Variants in TMEM245 observed in about 807,000 individuals in gnomAD.
The protein encoded by TMEM245 is transmembrane protein 245, also known as protein CG-2.
A neutral mutation model predicts 101.2 loss-of-function variants in TMEM245; 69 were observed. That is an observed-to-expected ratio of 0.68 (90% confidence interval 0.56 to 0.83). The LOEUF is 0.83. Among genes scored for constraint, TMEM245 ranks in the 40% least tolerant of loss-of-function variants. TMEM245 has a pLI of 0.00. For synonymous variants in TMEM245, 537 were observed against 449.8 expected (o/e 1.19, Z -2.45); for missense variants, 1,075 against 1,092.8 (o/e 0.98, Z 0.23).
intron 9 of TMEM245, among the ~76,000 whole-genome samples, chr9:109,071,535 T>C (rs1204495042): frequency 6.7e-6 from 1 of 150,312 alleles, no homozygotes; most frequent in Admixed American, 6.7e-5. Context: ...GCCCAGGAGA[T>C]CAAGCCTTCA....
intron 17 of TMEM245, among the ~76,000 whole-genome samples, chr9:109,025,281 A>C (rs1316860483): frequency 1.3e-5 from 2 of 152,196 alleles, no homozygotes; most frequent in African/African-American, 2.4e-5. Context: ...CATGTTGCTC[A>C]GGCTGGCCTC....
At chr9:109,050,751 C>T in intron 12 of TMEM245, 59 bp from the exon 13 acceptor site, 1 of 1,596,994 alleles carries the variant, frequency 6.3e-7, no homozygotes, top group Middle Eastern at 1.7e-4. Flanking sequence ...GTTTCTAGAG[C>T]CATCTAGTGT....
chr9:109,081,823 T>C (rs1189893519), intron 7 of TMEM245, among the ~76,000 whole-genome samples: 1 of 152,246 alleles, frequency 6.6e-6, no homozygotes, highest in Admixed American at 6.5e-5. Context: ...CTAAATGCTA[T>C]CTGACATTAT....
chr9:109,080,304 G>A (rs1829630553), intron 8 of TMEM245, among the ~76,000 whole-genome samples: 1 of 151,926 alleles, frequency 6.6e-6, no homozygotes, highest in South Asian at 2.1e-4. Context: ...AATAGTAAGA[G>A]ATATCACTAT....
At chr9:109,057,450 A>G (rs1828873763) in intron 11 of TMEM245, 128 bp from the exon 12 acceptor site, 1 of 1,113,940 alleles carries the variant, frequency 9.0e-7, no homozygotes, top group Middle Eastern at 2.1e-4. Flanking sequence ...AGAACTTTGC[A>G]TTATTTAAGA....
At chr9:109,107,398 CAAA>C (rs5899836) in intron 2 of TMEM245, among the ~76,000 whole-genome samples, 8 of 100,722 alleles carry the variant, frequency 7.9e-5, no homozygotes, top group Non-Finnish European at 8.3e-5. Flanking sequence ...GACTCTGTCT[CAAA>C]AAAAAAAAAA....
At position 109,119,457 on chromosome 9, in the gene TMEM245, C is replaced by A. The variant is rs756552661; in HGVS notation, c.457G>T (p.Gly153Cys). ...LRRRRLLLLL[G>C]AGGPLLYGLY... is the part of the protein sequence containing the mutation. The stretch of plus-strand genomic sequence containing the variant: ...CCGTACAGGAGCGGGCCGCCGGCGC[C>A]GAGCAGCAGGAGCAGGCGGCGGCGG... Residue 153 changes from glycine to cysteine, a missense_variant, in exon 1 of 18, where the codon GGC (glycine) becomes TGC (cysteine). By Grantham distance (159) the Gly-to-Cys change is radical. This residue lies in a region of TMEM245 where 808 missense variants were observed against 741.5 expected (regional missense o/e 1.09). Coordinates refer to ENST00000374586, the MANE Select transcript of TMEM245 (RefSeq NM_032012.4). 1 of 1,500,252 alleles carries A rather than the reference C, an allele frequency of 6.7e-7. No homozygotes were observed. Among genetic ancestry groups the A allele is most frequent in the South Asian group, 1.3e-5 (1 of 79,818 alleles). The allele number at this position is 1,500,252 out of a possible 1,614,324, so 92.9% of individuals were successfully genotyped here.
chr9:109,061,848 C>A (rs548330791), intron 10 of TMEM245, among the ~76,000 whole-genome samples: 1 of 152,258 alleles, frequency 6.6e-6, no homozygotes, highest in African/African-American at 2.4e-5. Flanking sequence ...GGATTACAGG[C>A]ATGAGCCACC....
At chr9:109,056,609 C>T (rs928993718) in intron 12 of TMEM245, among the ~76,000 whole-genome samples, 4 of 151,810 alleles carry the variant, frequency 2.6e-5, no homozygotes, top group East Asian at 1.9e-4. Flanking sequence ...GAATGAACTC[C>T]GTCTCAAAAA....
chr9:109,111,738 C>T (rs1185279278), intron 1 of TMEM245, among the ~76,000 whole-genome samples: 2 of 152,108 alleles, frequency 1.3e-5, no homozygotes, highest in Non-Finnish European at 2.9e-5. Flanking sequence ...AGTAATTAGT[C>T]AGACTTTCAA....
At chr9:109,089,659 A>G (rs1239884595) in intron 5 of TMEM245, among the ~76,000 whole-genome samples, 1 of 152,206 alleles carries the variant, frequency 6.6e-6, no homozygotes, top group East Asian at 1.9e-4. Context: ...ATGTTTCTAC[A>G]ATGCACCTGT....
chr9:109,101,874 A>T (rs937626352), intron 3 of TMEM245, among the ~76,000 whole-genome samples: 2 of 152,182 alleles, frequency 1.3e-5, no homozygotes, highest in African/African-American at 2.4e-5. Context: ...TTACCCTTAC[A>T]GTTTTCTAGG....
In TMEM245 at chr9:109,033,554, T is replaced by C; in HGVS notation, c.2400-53A>G. ...CACAAAAACTGGAAAAAATCTGAAA[T>C]ACATTTCTAATACAATGTGCATTCT... On this transcript the variant is annotated intron_variant, in intron 16 of 17. Coordinates refer to ENST00000374586, the MANE Select transcript of TMEM245 (RefSeq NM_032012.4). 8.0e-6 allele frequency: 12 copies of C among 1,500,888 alleles called. No individual in the cohort carries two copies. In the South Asian group the frequency reaches 1.2e-4, roughly 15 times the overall value. 93.0% of individuals were successfully genotyped at this position (1,500,888 alleles called of 1,614,324 possible).
At chr9:109,098,095 A>G (rs1830187795) in intron 3 of TMEM245, among the ~76,000 whole-genome samples, 1 of 152,180 alleles carries the variant, frequency 6.6e-6, no homozygotes, top group Non-Finnish European at 1.5e-5. Flanking sequence ...TCTACTTTAT[A>G]GTATAGCCAT....
chr9:109,081,353 A>G (rs1034654770), intron 7 of TMEM245, among the ~76,000 whole-genome samples: 2 of 152,242 alleles, frequency 1.3e-5, no homozygotes, highest in Non-Finnish European at 2.9e-5. Context: ...AAGTATATAC[A>G]GATAGTATTT....
chr9:109,029,298 A>G (rs1827880863), intron 17 of TMEM245, among the ~76,000 whole-genome samples: 1 of 152,228 alleles, frequency 6.6e-6, no homozygotes, highest in African/African-American at 2.4e-5. Context: ...CTCAAGAAAA[A>G]TGTCAGAACA....
intron 7 of TMEM245, among the ~76,000 whole-genome samples, chr9:109,084,367 T>C (rs562091572): frequency 6.6e-6 from 1 of 152,328 alleles, no homozygotes; most frequent in East Asian, 1.9e-4. Flanking sequence ...TTTACTATGT[T>C]ATATGGAATC....
At position 109,119,895 on chromosome 9, in the gene TMEM245, G is replaced by GGCC; in HGVS notation, c.16_18dup (p.Gly6dup). 1 of 1,272,512 alleles carries GGCC rather than the reference G, an allele frequency of 7.9e-7. No individual in the cohort carries two copies. Among genetic ancestry groups the GGCC allele is most frequent in the Non-Finnish European group, 9.9e-7 (1 of 1,014,794 alleles). 78.8% of individuals were successfully genotyped at this position (1,272,512 alleles called of 1,614,324 possible). A position where few individuals can be genotyped will look rare whatever the true frequency, so the allele number is the denominator to read the frequency against. On this transcript the variant is annotated inframe_insertion, in exon 1 of 18. Transcript: ENST00000374586. ...CTCCGCAGGCTTGGCGCGTCCTTAG[G>GGCC]GCCGCCGCCGTCGGCCATCGTTCCT...
chr9:109,111,380 A>C (rs1189609979), intron 1 of TMEM245, among the ~76,000 whole-genome samples: 1 of 152,168 alleles, frequency 6.6e-6, no homozygotes, highest in Non-Finnish European at 1.5e-5. Flanking sequence ...TTTATACAGT[A>C]CCTCCAAGAA....
Sources: gnomAD v4.1 joint callset for allele counts (sites outside exome capture counted in the v4.1 genomes callset) on GRCh38, gnomAD v4.1.1 for gene constraint, gnomAD v4.1.1 regional missense constraint, MANE v1.5 for transcripts, NCBI Gene and HGNC (gene_info 2026-07-23, HGNC 2026-07-21) for gene names.